The following CADM2 variants were observed in gnomAD, a reference collection of about 807,000 sequenced individuals.
CADM2 encodes the protein immunoglobulin superfamily member 4D.
A neutral mutation model predicts 49.8 loss-of-function variants in CADM2; 12 were observed. The ratio of observed to expected loss-of-function variants is 0.24; its 90% CI spans 0.15 to 0.39. The LOEUF is 0.39. Ranked by LOEUF, CADM2 falls within the 10% of genes least tolerant of loss-of-function variation. The pLI is 1.00. For synonymous variants in CADM2, 214 were observed against 175.4 expected (o/e 1.22, Z -1.74); for missense variants, 378 against 492.3 (o/e 0.77, Z 2.20).
chr3:85,943,067 G>A (rs1366303741), intron 7 of CADM2, among the ~76,000 whole-genome samples: 1 of 152,148 alleles, frequency 6.6e-6, no homozygotes, highest in Non-Finnish European at 1.5e-5. Context: ...GTTTTGATTT[G>A]CATTTCTCTG....
At chr3:85,852,213 A>C (rs2075135333) in intron 3 of CADM2, among the ~76,000 whole-genome samples, 1 of 152,122 alleles carries the variant, frequency 6.6e-6, no homozygotes, top group African/African-American at 2.4e-5. Flanking sequence ...GCCCCTCTAC[A>C]CTGCTTTCTT....
intron 1 of CADM2, among the ~76,000 whole-genome samples, chr3:85,073,559 A>G (rs1429328791): frequency 6.6e-6 from 1 of 152,122 alleles, no homozygotes; most frequent in African/African-American, 2.4e-5. Context: ...AGAGAAAAAG[A>G]CAATTTTCTT....
intron 3 of CADM2, among the ~76,000 whole-genome samples, chr3:85,850,208 A>G (rs1196590600): frequency 1.3e-5 from 2 of 151,876 alleles, no homozygotes; most frequent in East Asian, 1.9e-4. Context: ...GATTATTATC[A>G]CTGTGCCTGC....
At chr3:85,255,096 A>T (rs2042856197) in intron 1 of CADM2, among the ~76,000 whole-genome samples, 1 of 152,114 alleles carries the variant, frequency 6.6e-6, no homozygotes, top group Non-Finnish European at 1.5e-5. Flanking sequence ...TAATAACCAC[A>T]GCCAAATTTT....
intron 2 of CADM2, among the ~76,000 whole-genome samples, chr3:85,736,265 T>C (rs1307924499): frequency 6.6e-6 from 1 of 152,232 alleles, no homozygotes; most frequent in Non-Finnish European, 1.5e-5. Context: ...ACAAGCAATG[T>C]AACCTTGGTA....
intron 7 of CADM2, among the ~76,000 whole-genome samples, chr3:85,946,641 T>G (rs1722746387): frequency 6.6e-6 from 1 of 151,826 alleles, no homozygotes; most frequent in African/African-American, 2.4e-5. Flanking sequence ...AGATAATACC[T>G]CACATCTACA....
intron 1 of CADM2, among the ~76,000 whole-genome samples, chr3:85,206,972 C>G (rs1013260744): frequency 2.0e-5 from 3 of 151,776 alleles, no homozygotes; most frequent in Non-Finnish European, 2.9e-5. Context: ...TAACCTCCCC[C>G]CCTTCAAAAA....
intron 1 of CADM2, among the ~76,000 whole-genome samples, chr3:85,559,930 C>A (rs1267122642): frequency 6.6e-6 from 1 of 152,014 alleles, no homozygotes. Context: ...GCTCTAAACA[C>A]CTTTTAATAA....
chr3:85,225,395 C>G (rs942583506), intron 1 of CADM2, among the ~76,000 whole-genome samples: 2 of 152,094 alleles, frequency 1.3e-5, no homozygotes, highest in Non-Finnish European at 2.9e-5. Flanking sequence ...TTATTTGGCT[C>G]TCTGTTAGTG....
intron 1 of CADM2, among the ~76,000 whole-genome samples, chr3:85,232,134 A>ATATTAT (rs10575918): frequency 4.2e-4 from 62 of 146,384 alleles, no homozygotes; most frequent in South Asian, 8.7e-4. Flanking sequence ...CGATTTGAAG[A>ATATTAT]TATTATTATT....
intron 3 of CADM2, among the ~76,000 whole-genome samples, chr3:85,866,000 AG>A (rs1171810661): frequency 3.9e-5 from 6 of 152,122 alleles, no homozygotes; most frequent in Admixed American, 1.3e-4. Context: ...CACTATGAAC[AG>A]AGGGAGCTGT....
intron 8 of CADM2, among the ~76,000 whole-genome samples, chr3:85,978,806 A>G (rs1428661934): frequency 6.6e-6 from 1 of 150,896 alleles, no homozygotes; most frequent in Non-Finnish European, 1.5e-5. Context: ...CATTCTGTTT[A>G]CTTCTTTGAC....
At chr3:85,816,076 T>C (rs1358179470) in intron 3 of CADM2, among the ~76,000 whole-genome samples, 1 of 152,158 alleles carries the variant, frequency 6.6e-6, no homozygotes, top group Non-Finnish European at 1.5e-5. Flanking sequence ...AAATATATTT[T>C]TGATAAGATG....
chr3:85,115,164 T>A (rs1231930204), intron 1 of CADM2, among the ~76,000 whole-genome samples: 1 of 152,210 alleles, frequency 6.6e-6, no homozygotes, highest in East Asian at 1.9e-4. Context: ...CTCTTTTTAA[T>A]GATGTCCTAA....
intron 1 of CADM2, among the ~76,000 whole-genome samples, chr3:85,631,025 G>A (rs2064290053): frequency 6.6e-6 from 1 of 151,938 alleles, no homozygotes; most frequent in Admixed American, 6.6e-5. Context: ...AAAATAAAAA[G>A]TTCTTATCAA....
intron 2 of CADM2, among the ~76,000 whole-genome samples, chr3:85,738,099 C>A (rs899915544): frequency 2.0e-5 from 3 of 151,828 alleles, no homozygotes; most frequent in African/African-American, 7.3e-5. Flanking sequence ...CAGAAGTTAT[C>A]TTGGGAAAGA....
At chr3:85,717,161 T>C (rs2067323417) in intron 1 of CADM2, among the ~76,000 whole-genome samples, 1 of 152,170 alleles carries the variant, frequency 6.6e-6, no homozygotes, top group Non-Finnish European at 1.5e-5. Context: ...TTGTTTCCCC[T>C]CTTATTTCCT....
intron 1 of CADM2, among the ~76,000 whole-genome samples, chr3:85,625,820 A>G (rs1354632214): frequency 6.6e-6 from 1 of 151,984 alleles, no homozygotes; most frequent in African/African-American, 2.4e-5. Context: ...TTCTCTAATT[A>G]AAAATAAAGC....
intron 1 of CADM2, among the ~76,000 whole-genome samples, chr3:85,131,704 G>A (rs1204475061): frequency 1.3e-5 from 2 of 152,070 alleles, no homozygotes; most frequent in East Asian, 1.9e-4. Flanking sequence ...CTTTTGAAAA[G>A]TGACTATTCC....
Sources: allele counts gnomAD v4.1 joint callset (sites outside exome capture counted in the v4.1 genomes callset), GRCh38; gene constraint gnomAD v4.1.1; transcripts MANE v1.5; gene names NCBI Gene and HGNC (gene_info 2026-07-23, HGNC 2026-07-21).